Variants in RPL23 observed in about 807,000 individuals in gnomAD.
RPL23 encodes large ribosomal subunit protein uL14.
For synonymous variants in RPL23, 63 were observed against 65.3 expected (o/e 0.97, Z 0.17); for missense variants, 79 against 178.8 (o/e 0.44, Z 3.18).
At chr17:38,853,441 C>T in intron 1 of RPL23, 1 of 717,166 alleles carries the variant, frequency 1.4e-6, no homozygotes, top group Non-Finnish European at 2.6e-6. Flanking sequence ...TAACTTCAAC[C>T]CCATTACGAT....
chr17:38,851,665 G>C (rs567857421), intron 3 of RPL23: 1 of 152,286 alleles, frequency 6.6e-6, no homozygotes, highest in African/African-American at 2.4e-5. Flanking sequence ...AGAGGAAAAA[G>C]CCCATGCAAT....
Position 38,853,265 on chromosome 17 carries a change from G to A in RPL23, c.14-160C>T, listed in dbSNP as rs1567687379. On this transcript the variant is annotated intron_variant, in intron 1 of 4. Coordinates refer to ENST00000479035, the MANE Select transcript of RPL23 (RefSeq NM_000978.4). ...GATTTTACTTATGCCGTCCCCATGTGCCACCCGATTCTCACGGAAAGTAGC... is the reference window on the plus strand; with the variant it reads ...GATTTTACTTATGCCGTCCCCATGTACCACCCGATTCTCACGGAAAGTAGC... 3 of 668,258 alleles carry A rather than the reference G, an allele frequency of 4.5e-6. No homozygotes were observed. The East Asian group carries it at 8.2e-5, about 18-fold the overall frequency. 41.4% of individuals were successfully genotyped at this position (668,258 alleles called of 1,614,324 possible).
In RPL23 at chr17:38,848,425, GTTT is replaced by G. The variant is rs10549518; in HGVS notation, c.*1704_*1706del. 37,359 of 156,232 alleles carry G rather than the reference GTTT, an allele frequency of 0.24. 4,552 individuals are homozygous for G. The highest frequency in any genetic ancestry group is 0.41 in the East Asian group (2,168 of 5,282). 9.7% of individuals were successfully genotyped at this position (156,232 alleles called of 1,614,324 possible). On this transcript the variant is annotated 3_prime_UTR_variant, in exon 5 of 5. Coordinates refer to ENST00000479035, the MANE Select transcript of RPL23 (RefSeq NM_000978.4). The stretch of plus-strand genomic sequence containing the variant: ...GCTAATTTTGTATAGTAGAGATGGG[GTTT>G]CAACATGTTGGACAGGCTGGTCTCA...
At chr17:38,853,207 T>C (rs928466778) in intron 1 of RPL23, 102 bp from the exon 2 acceptor site, 4 of 868,720 alleles carry the variant, frequency 4.6e-6, no homozygotes, top group Non-Finnish European at 7.7e-6. Context: ...GCACATGCTT[T>C]GATAGACTGT....
At chr17:38,852,490 A>G in intron 3 of RPL23, 114 bp downstream of exon 3, 1 of 1,330,858 alleles carries the variant, frequency 7.5e-7, no homozygotes, top group Non-Finnish European at 1.0e-6. Context: ...CTTATCTCAC[A>G]CTGCCTCTCA....
Position 38,847,888 on chromosome 17 carries a change from C to A in RPL23, c.*2244G>T. On this transcript the variant is annotated 3_prime_UTR_variant, in exon 5 of 5. Transcript: ENST00000479035. ...AGTGTAAATATAAAGTTTTTTAATC[C>A]AAGTCAAAAAAAATCTCCAAAGAAT... is the stretch of plus-strand genomic sequence containing the variant. 1 of 1,487,372 alleles carries A rather than the reference C, an allele frequency of 6.7e-7. No individual in the cohort carries two copies. The highest frequency in any genetic ancestry group is 1.3e-5 in the South Asian group (1 of 75,616). 92.1% of individuals were successfully genotyped at this position (1,487,372 alleles called of 1,614,324 possible).
At chr17:38,852,408 AAAC>A (rs1028100047) in intron 3 of RPL23, 193 bp downstream of exon 3, 2 of 621,878 alleles carry the variant, frequency 3.2e-6, no homozygotes, top group Middle Eastern at 4.5e-4. Flanking sequence ...AACAACAAAA[AAAC>A]AACTAAGGTA....
chr17:38,850,311 C>G, intron 4 of RPL23, 51 bp downstream of exon 4: 1 of 1,571,372 alleles, frequency 6.4e-7, no homozygotes, highest in Non-Finnish European at 8.8e-7. Flanking sequence ...TACTTCTAGA[C>G]AATCCACCCA....
intron 1 of RPL23, chr17:38,853,476 C>G: frequency 1.4e-6 from 1 of 721,744 alleles, no homozygotes; most frequent in Non-Finnish European, 2.6e-6. Context: ...AGCGATCTCG[C>G]GGTATCCAGA....
chr17:38,851,247 TA>T (rs1008112127), intron 3 of RPL23: 50 of 152,268 alleles, frequency 3.3e-4, no homozygotes, highest in African/African-American at 1.2e-3. Flanking sequence ...ACAGGAAGAC[TA>T]CACAAAAAAT....
rs1488660274 is a variant in RPL23 at position 38,852,752 on chromosome 17, A to G, written c.98-20T>C. 2.5e-6 allele frequency: 4 copies of G among 1,613,794 alleles called. No homozygotes were observed. Among genetic ancestry groups the G allele is most frequent in the Non-Finnish European group, 2.5e-6 (3 of 1,179,954 alleles). On this transcript the variant is annotated intron_variant, in intron 2 of 4. Coordinates refer to ENST00000479035, the MANE Select transcript of RPL23 (RefSeq NM_000978.4). ...TGGCTCCTACAAAAGAATGTAAATA[A>G]AAATAAAAAATGTTGAGGGCCATCA... is the stretch of plus-strand genomic sequence containing the variant.
At chr17:38,852,941 T>C (rs199890436) in intron 2 of RPL23, 81 bp downstream of exon 2, 373 of 1,441,448 alleles carry the variant, frequency 2.6e-4, no homozygotes, top group Non-Finnish European at 3.4e-4. Flanking sequence ...CTCCCCTTTC[T>C]TGACGGCTCA....
intron 3 of RPL23, 58 bp downstream of exon 3, chr17:38,852,546 A>G: frequency 1.9e-6 from 3 of 1,588,014 alleles, no homozygotes; most frequent in Non-Finnish European, 2.6e-6. Flanking sequence ...ATTTTCCAAT[A>G]AAGGAAAGCG....
intron 1 of RPL23, 33 bp from the exon 2 acceptor site, chr17:38,853,138 AG>A: frequency 6.5e-7 from 1 of 1,537,374 alleles, no homozygotes. Context: ...AACAGGATAA[AG>A]AGATCACAAT....
rs1030817807 is a variant in RPL23 at position 38,847,957 on chromosome 17, C to G, written c.*2175G>C. On this transcript the variant is annotated 3_prime_UTR_variant, in exon 5 of 5. Coordinates refer to ENST00000479035, the MANE Select transcript of RPL23 (RefSeq NM_000978.4). ...CAGTGGCTCACACTTGTAATTGCAG[C>G]CCTTTGAAGGCCACAGCAGGAGGAT... The G allele has an allele frequency of 4.5e-6, 7 of 1,547,220 alleles. No individual in the cohort carries two copies. The African/African-American group carries it at 8.2e-5, about 18-fold the overall frequency.
rs539627011 is a variant in RPL23 at position 38,851,999 on chromosome 17, AG to A, written c.226+604del. 6.4e-3 allele frequency: 968 copies of A among 152,376 alleles called. 9 individuals are homozygous for A. The highest frequency in any genetic ancestry group is 8.9e-3 in the Non-Finnish European group (604 of 68,070). The allele number at this position is 152,376 out of a possible 1,614,324, so 9.4% of individuals were successfully genotyped here. ...CAGGACACAAGCTGCAAGTATTTTGAGGCCTCCCCCTTTAAATCATACACCT... is the reference window on the plus strand; with the variant it reads ...CAGGACACAAGCTGCAAGTATTTTGAGCCTCCCCCTTTAAATCATACACCT... On this transcript the variant is annotated intron_variant, in intron 3 of 4. Transcript: ENST00000479035.
In RPL23 at chr17:38,849,897, A is replaced by C. The variant is rs1456562257; in HGVS notation, c.*235T>G. 2 of 420,354 alleles carry C rather than the reference A, an allele frequency of 4.8e-6. No individual in the cohort carries two copies. The highest frequency in any genetic ancestry group is 6.5e-4 in the Middle Eastern group (1 of 1,532). 26.0% of individuals were successfully genotyped at this position (420,354 alleles called of 1,614,324 possible). Reference sequence around the variant, plus strand: ...ACACTGTAGAGGCCTGGGTGGGCAGATCACTTGAGATCAGGAGTTTGAGTC... The same window carrying C: ...ACACTGTAGAGGCCTGGGTGGGCAGCTCACTTGAGATCAGGAGTTTGAGTC... On this transcript the variant is annotated 3_prime_UTR_variant, in exon 5 of 5. Transcript: ENST00000479035.
intron 3 of RPL23, 193 bp from the exon 4 acceptor site, chr17:38,850,668 ATTT>A (rs34258429): frequency 0.038 from 15,189 of 397,800 alleles, 3 homozygotes; most frequent in Middle Eastern, 0.055. Context: ...CCATGCCCAG[ATTT>A]TTTTTTTTTT....
At position 38,850,054 on chromosome 17, in the gene RPL23, A is replaced by G. The variant is rs1458855507; in HGVS notation, c.*78T>C. On this transcript the variant is annotated 3_prime_UTR_variant, in exon 5 of 5. Transcript: ENST00000479035. Reference sequence around the variant, plus strand: ...AATCGCTTGAACCCTGGAAGTGAACAGGGAGACAAGCACTGCAAACAAATA... The same window carrying G: ...AATCGCTTGAACCCTGGAAGTGAACGGGGAGACAAGCACTGCAAACAAATA... The G allele has an allele frequency of 9.3e-6, 10 of 1,081,040 alleles. No homozygotes were observed. The highest frequency in any genetic ancestry group is 1.2e-5 in the Non-Finnish European group (9 of 745,934). The allele number at this position is 1,081,040 out of a possible 1,614,324, so 67.0% of individuals were successfully genotyped here.
Sources: gnomAD v4.1 joint callset for allele counts on GRCh38, gnomAD v4.1.1 for gene constraint, MANE v1.5 for transcripts, NCBI Gene and HGNC (gene_info 2026-07-23, HGNC 2026-07-21) for gene names.